TENM2: variants seen among roughly 807,000 people sequenced by gnomAD.
The protein encoded by TENM2 is teneurin transmembrane protein 2.
Under a neutral mutation model 245.2 loss-of-function variants are expected in TENM2, and 52 were observed. The observed-to-expected ratio is 0.21, with a 90% confidence interval of 0.17 to 0.27. The LOEUF is 0.27. Among genes scored for constraint, TENM2 ranks in the 10% least tolerant of loss-of-function variants. The probability of loss-of-function intolerance (pLI) is 1.00; values close to 1 mark genes in which losing one functional copy is unlikely to be tolerated. For missense variants in TENM2, 3,046 were observed against 3,666.8 expected, an observed-to-expected ratio of 0.83 and a Z score of 4.37; for synonymous variants, 1,363 against 1,438.9, an observed-to-expected ratio of 0.95 and a Z score of 1.19.
At chr5:168,121,056 A>G (rs1581371566) in intron 10 of TENM2, among the ~76,000 whole-genome samples, 1 of 152,194 alleles carries the variant, frequency 6.6e-6, no homozygotes, top group East Asian at 1.9e-4. Flanking sequence ...ATGACATTTA[A>G]CTTCATAAAT....
At chr5:168,046,919 G>A (rs1031995859) in intron 5 of TENM2, among the ~76,000 whole-genome samples, 7 of 152,176 alleles carry the variant, frequency 4.6e-5, no homozygotes, top group East Asian at 3.8e-4. Flanking sequence ...TGCACTGATA[G>A]TTCAGAGCAG....
chr5:167,123,104 C>G, the TENM2 span, among the ~76,000 whole-genome samples: 1 of 151,242 alleles, frequency 6.6e-6, no homozygotes, highest in Admixed American at 6.6e-5. Context: ...TCAAGGCCAG[C>G]CTGGACAACA....
At chr5:167,199,081 A>T in the TENM2 span, among the ~76,000 whole-genome samples, 2 of 146,566 alleles carry the variant, frequency 1.4e-5, no homozygotes, top group East Asian at 4.0e-4. Flanking sequence ...AAGGGCAGTC[A>T]CTAGCTGATA....
At chr5:167,183,119 G>A in the TENM2 span, among the ~76,000 whole-genome samples, 2 of 152,176 alleles carry the variant, frequency 1.3e-5, no homozygotes, top group African/African-American at 4.8e-5. Context: ...TTCTCACCAT[G>A]GTTTTCTGTG....
At chr5:167,143,427 A>G in the TENM2 span, among the ~76,000 whole-genome samples, 1 of 152,100 alleles carries the variant, frequency 6.6e-6, no homozygotes, top group African/African-American at 2.4e-5. Flanking sequence ...CTTCTTTATT[A>G]TAGTTTCATT....
chr5:168,065,833 T>C (rs1426848139), intron 7 of TENM2, among the ~76,000 whole-genome samples: 2 of 150,290 alleles, frequency 1.3e-5, no homozygotes, highest in Non-Finnish European at 3.0e-5. Flanking sequence ...CCTAGAATAA[T>C]GGTAGCCTCA....
the TENM2 span, among the ~76,000 whole-genome samples, chr5:167,117,997 A>G: frequency 6.6e-6 from 1 of 152,220 alleles, no homozygotes; most frequent in Non-Finnish European, 1.5e-5. Flanking sequence ...TCCTAATCCT[A>G]GGTTTAAGCC....
the TENM2 span, among the ~76,000 whole-genome samples, chr5:167,103,758 T>C: frequency 6.6e-6 from 1 of 152,118 alleles, no homozygotes; most frequent in African/African-American, 2.4e-5. Flanking sequence ...TTACACTCCT[T>C]GGACTACAAG....
rs539126397 is a variant in TENM2 at position 167,414,322 on chromosome 5, AAAG to A, written c.502+38852_502+38854del. ...CAGAAAATCTAAAAGCATATTTTAAAAAGAAACAATAATTTTATGGTAAATACA... is the reference window on the plus strand; with the variant it reads ...CAGAAAATCTAAAAGCATATTTTAAAAAACAATAATTTTATGGTAAATACA... On this transcript the variant is annotated intron_variant, in intron 2 of 28. Transcript: ENST00000518659. 1.3e-4 allele frequency among the ~76,000 whole-genome samples: 20 copies of A among 152,310 alleles called. 1 individual carries two copies. In the South Asian group the frequency reaches 4.1e-3, roughly 32 times the overall value.
At chr5:168,044,551 C>A (rs1484654408) in intron 5 of TENM2, among the ~76,000 whole-genome samples, 1 of 151,464 alleles carries the variant, frequency 6.6e-6, no homozygotes, top group Non-Finnish European at 1.5e-5. Flanking sequence ...ACAATCCAAC[C>A]CCCCAAATCT....
At chr5:167,238,577 A>T in the TENM2 span, among the ~76,000 whole-genome samples, 5 of 152,080 alleles carry the variant, frequency 3.3e-5, no homozygotes, top group Non-Finnish European at 7.4e-5. Flanking sequence ...TTGCGGGACA[A>T]GCCTGCTAGG....
At chr5:167,163,233 C>T in the TENM2 span, among the ~76,000 whole-genome samples, 3 of 152,170 alleles carry the variant, frequency 2.0e-5, no homozygotes, top group South Asian at 2.1e-4. Flanking sequence ...TCCTGAATAT[C>T]GGGGACTACA....
chr5:167,503,538 G>T (rs569430330), intron 2 of TENM2, among the ~76,000 whole-genome samples: 7 of 151,392 alleles, frequency 4.6e-5, no homozygotes, highest in Admixed American at 3.9e-4. Context: ...TTGGTGGTTG[G>T]AAATAAATAA....
At chr5:167,016,283 A>AAC in the TENM2 span, among the ~76,000 whole-genome samples, 7 of 53,668 alleles carry the variant, frequency 1.3e-4, no homozygotes, top group African/African-American at 3.2e-4. Context: ...CAAACAAACA[A>AAC]AAAAAAAAAA....
At chr5:167,503,095 G>A (rs10475850) in intron 2 of TENM2, among the ~76,000 whole-genome samples, 2,774 of 152,224 alleles carry the variant, frequency 0.018, 103 homozygotes, top group African/African-American at 0.064. Flanking sequence ...CTAAAGTGCT[G>A]GGATTACGGG....
chr5:167,324,706 A>G (rs577408681), intron 1 of TENM2, among the ~76,000 whole-genome samples: 22 of 152,336 alleles, frequency 1.4e-4, no homozygotes, highest in South Asian at 2.1e-4. Flanking sequence ...TGAAATAGAA[A>G]TAAACATGAT....
intron 2 of TENM2, among the ~76,000 whole-genome samples, chr5:167,619,708 A>G (rs995805849): frequency 6.6e-6 from 1 of 152,172 alleles, no homozygotes. Flanking sequence ...TACTTAATGC[A>G]TGCAATGTTT....
intron 2 of TENM2, among the ~76,000 whole-genome samples, chr5:167,441,783 G>C (rs974045511): frequency 6.6e-6 from 1 of 152,204 alleles, no homozygotes; most frequent in East Asian, 1.9e-4. Flanking sequence ...TTCTCCTTTT[G>C]GAAATGAGTT....
At chr5:167,426,546 C>CAA (rs59491444) in intron 2 of TENM2, among the ~76,000 whole-genome samples, 14,947 of 102,126 alleles carry the variant, frequency 0.15, 1,276 homozygotes, top group African/African-American at 0.25. Context: ...CTTGCCTTTA[C>CAA]AAAAAAAAAA....
Sources: gnomAD v4.1 joint callset for allele counts (sites outside exome capture counted in the v4.1 genomes callset) on GRCh38, gnomAD v4.1.1 for gene constraint, MANE v1.5 for transcripts, NCBI Gene and HGNC (gene_info 2026-07-23, HGNC 2026-07-21) for gene names.